Variants in TGFB2 observed in about 807,000 individuals in gnomAD.
TGFB2 encodes transforming growth factor beta-2 proprotein.
TGFB2 carries 13 observed loss-of-function variants against 42.7 expected under a neutral mutation model. The observed-to-expected ratio is 0.30, with a 90% confidence interval of 0.20 to 0.48. The LOEUF is 0.48. Among genes scored for constraint, TGFB2 ranks in the 20% least tolerant of loss-of-function variants. TGFB2 has a pLI of 0.99. For missense variants in TGFB2, 390 were observed against 517.5 expected (o/e 0.75, Z 2.39); for synonymous variants, 193 against 193.6 (o/e 1.00, Z 0.03).
chr1:218,424,029 A>G (rs975125973), intron 2 of TGFB2, among the ~76,000 whole-genome samples: 1 of 152,236 alleles, frequency 6.6e-6, no homozygotes, highest in African/African-American at 2.4e-5. Flanking sequence ...ACTCTAAGGG[A>G]CCACTGAGTA....
intron 2 of TGFB2, among the ~76,000 whole-genome samples, chr1:218,428,792 T>C (rs12408756): frequency 0.23 from 35,001 of 151,992 alleles, 4,469 homozygotes; most frequent in African/African-American, 0.33. Flanking sequence ...TTTGTTCTTT[T>C]GGCTTAGGTT....
chr1:218,376,618 C>T (rs77175402), intron 1 of TGFB2, among the ~76,000 whole-genome samples: 3,186 of 152,214 alleles, frequency 0.021, 101 homozygotes, highest in African/African-American at 0.071. Flanking sequence ...CCTCTTTAAG[C>T]CTCAGTTTCT....
At chr1:218,436,175 AATTGC>A (rs1659967020) in intron 5 of TGFB2, 28 bp downstream of exon 5, 1 of 1,601,598 alleles carries the variant, frequency 6.2e-7, no homozygotes, top group Admixed American at 1.7e-5. Context: ...AAAACCAAGT[AATTGC>A]ATCTGTTAAC....
chr1:218,422,200 G>T (rs1337326551), intron 2 of TGFB2, among the ~76,000 whole-genome samples: 1 of 150,882 alleles, frequency 6.6e-6, no homozygotes, highest in Non-Finnish European at 1.5e-5. Context: ...CTTTCTTCTT[G>T]TTTTTTTTGT....
At chr1:218,431,476 C>T (rs1255845394) in intron 2 of TGFB2, among the ~76,000 whole-genome samples, 3 of 152,112 alleles carry the variant, frequency 2.0e-5, no homozygotes, top group Non-Finnish European at 2.9e-5. Flanking sequence ...TTTAGTGAAA[C>T]TGGACATATA....
At chr1:218,380,841 G>GA (rs2102566041) in intron 1 of TGFB2, among the ~76,000 whole-genome samples, 1 of 152,236 alleles carries the variant, frequency 6.6e-6, no homozygotes, top group African/African-American at 2.4e-5. Flanking sequence ...TGGAATCTAG[G>GA]AAAAAATAAC....
chr1:218,358,247 A>G (rs1657101506), intron 1 of TGFB2, among the ~76,000 whole-genome samples: 2 of 152,198 alleles, frequency 1.3e-5, no homozygotes, highest in South Asian at 2.1e-4. Flanking sequence ...GAGCTCTAAA[A>G]TATTTATTGT....
chr1:218,392,471 T>C (rs796895143), intron 1 of TGFB2, among the ~76,000 whole-genome samples: 9 of 152,306 alleles, frequency 5.9e-5, no homozygotes, highest in African/African-American at 2.2e-4. Flanking sequence ...GTAGCTCTTG[T>C]AGAAAGCAGC....
At chr1:218,355,785 C>A (rs1240559767) in intron 1 of TGFB2, among the ~76,000 whole-genome samples, 1 of 152,082 alleles carries the variant, frequency 6.6e-6, no homozygotes, top group Non-Finnish European at 1.5e-5. Flanking sequence ...TTTTATGTGC[C>A]ACTAACAAAG....
intron 2 of TGFB2, among the ~76,000 whole-genome samples, chr1:218,414,685 A>C (rs79958657): frequency 0.028 from 4,337 of 152,304 alleles, 217 homozygotes; most frequent in African/African-American, 0.097. Context: ...TGAACAGCAG[A>C]CCTTCTCCAC....
chr1:218,358,632 T>A (rs1657114057), intron 1 of TGFB2, among the ~76,000 whole-genome samples: 1 of 149,268 alleles, frequency 6.7e-6, no homozygotes, highest in South Asian at 2.1e-4. Flanking sequence ...CACTGCAAGC[T>A]CTGCCTCCGG....
intron 1 of TGFB2, among the ~76,000 whole-genome samples, chr1:218,379,361 C>T (rs1657878448): frequency 6.6e-6 from 1 of 151,864 alleles, no homozygotes; most frequent in East Asian, 1.9e-4. Context: ...GCCTCGATCT[C>T]CTGACCTCAT....
rs766536496 is a variant in TGFB2, at chr1:218,434,127, G to A, written c.556G>A (p.Asp186Asn). 1.6e-5 allele frequency: 26 copies of A among 1,613,924 alleles called. No homozygotes were observed. The highest frequency in any genetic ancestry group is 1.1e-5 in the South Asian group (1 of 91,074). The part of the protein sequence containing the change: ...DLTSPTQRYI[D>N]SKVVKTRAEG... ...AACATCTCCAACCCAGCGCTACATCGACAGCAAAGTTGTGAAAACAAGAGC... is the reference window on the plus strand; with the variant it reads ...AACATCTCCAACCCAGCGCTACATCAACAGCAAAGTTGTGAAAACAAGAGC... The change falls in exon 3 of 7, where the codon GAC becomes AAC. Residue 186 changes from aspartate to asparagine, a missense_variant. Coordinates refer to ENST00000366930, the MANE Select transcript of TGFB2 (RefSeq NM_003238.6).
At position 218,443,873 on chromosome 1, in the gene TGFB2, A is replaced by G. The variant is rs1182002582; in HGVS notation, c.*2511A>G. 1 of 152,128 alleles carries G rather than the reference A, an allele frequency of 6.6e-6. No individual in the cohort carries two copies. The highest frequency in any genetic ancestry group is 2.4e-5 in the African/African-American group (1 of 41,414). The allele number at this position is 152,128 out of a possible 1,614,324, so 9.4% of individuals were successfully genotyped here. A position where few individuals can be genotyped will look rare whatever the true frequency, so the allele number is the denominator to read the frequency against. On this transcript the variant is annotated 3_prime_UTR_variant, in exon 7 of 7. Coordinates refer to ENST00000366930, the MANE Select transcript of TGFB2 (RefSeq NM_003238.6). The stretch of plus-strand genomic sequence containing the variant: ...TCAGCAGTACAATTTGATCGTTGGC[A>G]TGGTTAAAAAATGGAATATAAGATT...
intron 2 of TGFB2, among the ~76,000 whole-genome samples, chr1:218,422,124 T>C (rs1409048527): frequency 6.6e-6 from 1 of 152,176 alleles, no homozygotes; most frequent in African/African-American, 2.4e-5. Context: ...CTAGTATATA[T>C]TGTTAGAAAA....
chr1:218,428,972 CTTTTTTTTTTT>C (rs34950123), intron 2 of TGFB2, among the ~76,000 whole-genome samples: 6 of 95,880 alleles, frequency 6.3e-5, no homozygotes, highest in South Asian at 4.3e-4. Context: ...CCATGAGCAT[CTTTTTTTTTTT>C]TTTTTTTTTT....
Position 218,444,319 on chromosome 1 carries a change from G to A in TGFB2, c.*2957G>A, listed in dbSNP as rs1329998441. 6.6e-6 allele frequency: 1 copy of A among 152,170 alleles called. No homozygotes were observed. Among genetic ancestry groups the A allele is most frequent in the Non-Finnish European group, 1.5e-5 (1 of 68,052 alleles). 9.4% of individuals were successfully genotyped at this position (152,170 alleles called of 1,614,324 possible). The stretch of plus-strand genomic sequence containing the variant: ...TGTTTGCACCATGCTTTGGCTTTCT[G>A]GTTCTATGTTCTGCCAACGCCAGGG... On this transcript the variant is annotated 3_prime_UTR_variant, in exon 7 of 7. Coordinates refer to ENST00000366930, the MANE Select transcript of TGFB2 (RefSeq NM_003238.6).
intron 1 of TGFB2, among the ~76,000 whole-genome samples, chr1:218,375,710 T>C (rs1657719742): frequency 1.3e-5 from 2 of 151,878 alleles, no homozygotes; most frequent in Non-Finnish European, 2.9e-5. Context: ...AGAAGAAAAG[T>C]GGTACCAATT....
At chr1:218,405,017 TCTGG>T in intron 1 of TGFB2, 148 bp from the exon 2 acceptor site, 2 of 790,924 alleles carry the variant, frequency 2.5e-6, no homozygotes, top group Non-Finnish European at 1.9e-6. Flanking sequence ...TTCTTTTTTT[TCTGG>T]TTACATTGTT....
Sources: gnomAD v4.1 joint callset for allele counts (sites outside exome capture counted in the v4.1 genomes callset) on GRCh38, gnomAD v4.1.1 for gene constraint, MANE v1.5 for transcripts, NCBI Gene and HGNC (gene_info 2026-07-23, HGNC 2026-07-21) for gene names.